The following STARD6 variants were observed in gnomAD, a reference collection of about 807,000 sequenced individuals.
The protein encoded by STARD6 is stAR-related lipid transfer protein 6.
STARD6 carries 21 observed loss-of-function variants against 22.3 expected under a neutral mutation model. That is an observed-to-expected ratio of 0.94 (90% CI 0.67 to 1.35). The LOEUF (loss-of-function observed/expected upper bound fraction) is 1.35, where lower values mean the gene tolerates loss of function less well. Ranked by LOEUF, STARD6 falls within the 40% of genes most tolerant of loss-of-function variation. The pLI, the probability that STARD6 is intolerant of heterozygous loss-of-function variation, is 0.00. For synonymous variants in STARD6, 80 were observed against 88.1 expected (o/e 0.91, Z 0.52); for missense variants, 269 against 266.9 (o/e 1.01, Z -0.05).
intron 4 of STARD6, among the ~76,000 whole-genome samples, chr18:54,353,359 A>G (rs990985805): frequency 1.3e-5 from 2 of 152,230 alleles, no homozygotes; most frequent in Non-Finnish European, 2.9e-5. Flanking sequence ...GCATACAGAA[A>G]AAAATGCATA....
intron 5 of STARD6, among the ~76,000 whole-genome samples, chr18:54,335,788 T>C (rs1158332517): frequency 6.6e-6 from 1 of 152,144 alleles, no homozygotes; most frequent in Non-Finnish European, 1.5e-5. Flanking sequence ...TGTTCTGCCA[T>C]GGTAACAGAA....
At chr18:54,343,398 G>T (rs1483827879) in intron 4 of STARD6, among the ~76,000 whole-genome samples, 1 of 140,372 alleles carries the variant, frequency 7.1e-6, no homozygotes. Flanking sequence ...CCGGCCAGCC[G>T]TGCCATCCGG....
At position 54,343,375 on chromosome 18, in the gene STARD6, G is replaced by T. The variant is rs1358018991; in HGVS notation, c.141-6124C>A. On this transcript the variant is annotated intron_variant, in intron 4 of 7. Transcript: ENST00000307844. Reference sequence around the variant, plus strand: ...ACCCCGTCCGGGAGGGAGGTGGGGGGTCAGCCCCCCGCCCGGCCAGCCGTG... The same window carrying T: ...ACCCCGTCCGGGAGGGAGGTGGGGGTTCAGCCCCCCGCCCGGCCAGCCGTG... Among the ~76,000 whole-genome samples the T allele has an allele frequency of 3.4e-5, 5 of 145,030 alleles. 1 individual carries two copies. The highest frequency in any genetic ancestry group is 1.3e-4 in the African/African-American group (5 of 38,706).
At chr18:54,342,561 C>T (rs1203753035) in intron 4 of STARD6, among the ~76,000 whole-genome samples, 3 of 134,966 alleles carry the variant, frequency 2.2e-5, no homozygotes, top group Non-Finnish European at 4.7e-5. Context: ...CGGCTCACTG[C>T]AACCTCCCTG....
intron 6 of STARD6, among the ~76,000 whole-genome samples, 156 bp downstream of exon 6, chr18:54,331,586 G>T (rs1040716174): frequency 2.4e-4 from 37 of 152,048 alleles, no homozygotes; most frequent in African/African-American, 8.9e-4. Flanking sequence ...AGTGTCACTA[G>T]GCATATCTAC....
chr18:54,332,031 A>G (rs1406258603), intron 5 of STARD6, among the ~76,000 whole-genome samples, 172 bp from the exon 6 acceptor site: 1 of 152,214 alleles, frequency 6.6e-6, no homozygotes, highest in Admixed American at 6.5e-5. Context: ...TTAAAGGAGC[A>G]TTAAATCTAC....
At chr18:54,342,354 G>A (rs1471056882) in intron 4 of STARD6, among the ~76,000 whole-genome samples, 2 of 151,594 alleles carry the variant, frequency 1.3e-5, no homozygotes, top group Non-Finnish European at 2.9e-5. Context: ...AATAAAAGAG[G>A]AGGAAACATT....
intron 5 of STARD6, among the ~76,000 whole-genome samples, chr18:54,335,175 T>G (rs1428117439): frequency 2.8e-4 from 17 of 60,660 alleles, no homozygotes; most frequent in African/African-American, 5.9e-4. Context: ...TGGTTATTTA[T>G]TTATTTATTT....
intron 5 of STARD6, among the ~76,000 whole-genome samples, chr18:54,333,243 A>T (rs2088879772): frequency 6.6e-6 from 1 of 152,140 alleles, no homozygotes; most frequent in Non-Finnish European, 1.5e-5. Flanking sequence ...AGTTCAGGAG[A>T]TCGAGACTAT....
chr18:54,335,230 T>C (rs1300918459), intron 5 of STARD6, among the ~76,000 whole-genome samples: 1 of 151,860 alleles, frequency 6.6e-6, no homozygotes, highest in Admixed American at 6.6e-5. Flanking sequence ...GTTTCACTCT[T>C]GTTGCCCAAG....
intron 4 of STARD6, among the ~76,000 whole-genome samples, chr18:54,348,844 T>C (rs1175440914): frequency 6.6e-6 from 1 of 152,142 alleles, no homozygotes; most frequent in Non-Finnish European, 1.5e-5. Context: ...AAGGCCCTTT[T>C]TGAGTAGCAA....
chr18:54,344,595 A>AAAAG (rs2089017811), intron 4 of STARD6, among the ~76,000 whole-genome samples: 1 of 148,240 alleles, frequency 6.7e-6, no homozygotes, highest in South Asian at 2.1e-4. Context: ...AAAAAAAAAA[A>AAAAG]AAAAAAGAAA....
In STARD6 at chr18:54,354,568, G is replaced by A; in HGVS notation, c.6C>T (p.Asp2=). Residue 2 remains aspartate (D), a synonymous_variant, in exon 3 of 8, where the codon GAC becomes GAT. Transcript: ENST00000307844. The part of the protein sequence containing the change: M[D]FKAIAQQTAQ... ...CAGTTTGTTGGGCAATTGCCTTGAA[G>A]TCCATCTATCTGCAAGTTTTAAAAA... 1 of 1,612,380 alleles carries A rather than the reference G, an allele frequency of 6.2e-7. No homozygotes were observed. Among genetic ancestry groups the A allele is most frequent in the Non-Finnish European group, 8.5e-7 (1 of 1,179,180 alleles).
chr18:54,328,715 A>T (rs1425052392), intron 7 of STARD6, among the ~76,000 whole-genome samples: 1 of 152,148 alleles, frequency 6.6e-6, no homozygotes, highest in African/African-American at 2.4e-5. Context: ...TTTACTTAAT[A>T]AAAAATCATT....
At chr18:54,331,668 G>A in intron 6 of STARD6, 74 bp downstream of exon 6, 1 of 957,174 alleles carries the variant, frequency 1.0e-6, no homozygotes. Context: ...TTTCTTTGAA[G>A]CTGTGAATAA....
intron 5 of STARD6, among the ~76,000 whole-genome samples, chr18:54,333,562 C>T (rs2088883804): frequency 6.6e-6 from 1 of 152,170 alleles, no homozygotes. Flanking sequence ...GGTTCTCAAA[C>T]TGAATGTTCA....
chr18:54,345,728 A>T (rs2089027661), intron 4 of STARD6, among the ~76,000 whole-genome samples: 2 of 152,214 alleles, frequency 1.3e-5, no homozygotes, highest in African/African-American at 4.8e-5. Context: ...TGGCATAAGG[A>T]CAGACAGAGA....
At chr18:54,338,580 T>C (rs1254024535) in intron 4 of STARD6, among the ~76,000 whole-genome samples, 1 of 151,554 alleles carries the variant, frequency 6.6e-6, no homozygotes, top group Admixed American at 6.6e-5. Context: ...CCAGGATGGG[T>C]GGATGGAGTC....
chr18:54,350,522 T>A (rs149828693), intron 4 of STARD6, among the ~76,000 whole-genome samples: 94 of 152,294 alleles, frequency 6.2e-4, no homozygotes, highest in African/African-American at 2.2e-3. Flanking sequence ...TTTTGTTGCA[T>A]TTGCTTTTGA....
Sources: allele counts gnomAD v4.1 joint callset (sites outside exome capture counted in the v4.1 genomes callset), GRCh38; gene constraint gnomAD v4.1.1; transcripts MANE v1.5; gene names NCBI Gene and HGNC (gene_info 2026-07-23, HGNC 2026-07-21).